SATB2: variants seen among roughly 807,000 people sequenced by gnomAD.
SATB2 encodes the protein SATB homeobox 2.
SATB2 carries 1 observed loss-of-function variant against 73.4 expected under a neutral mutation model. That is an observed-to-expected ratio of 0.01 (90% confidence interval 0.00 to 0.06). The LOEUF is 0.06. Ranked by LOEUF, SATB2 falls within the 10% of genes least tolerant of loss-of-function variation. The pLI is 1.00. For synonymous variants in SATB2, 397 were observed against 367.0 expected, an observed-to-expected ratio of 1.08 and a Z score of -0.93; for missense variants, 459 against 945.8, an observed-to-expected ratio of 0.49 and a Z score of 6.75.
intron 9 of SATB2, among the ~76,000 whole-genome samples, chr2:199,320,396 T>C (rs545119803): frequency 3.9e-5 from 6 of 152,128 alleles, no homozygotes; most frequent in Non-Finnish European, 8.8e-5. Context: ...GAAGGAAAAG[T>C]ACAAGGCGAA....
intron 6 of SATB2, among the ~76,000 whole-genome samples, chr2:199,367,619 T>C (rs1156494560): frequency 6.6e-6 from 1 of 152,146 alleles, no homozygotes; most frequent in Non-Finnish European, 1.5e-5. Flanking sequence ...CCATAAATTG[T>C]CATTTGCCCC....
At chr2:199,412,195 A>T (rs1170996206) in intron 3 of SATB2, among the ~76,000 whole-genome samples, 1 of 152,214 alleles carries the variant, frequency 6.6e-6, no homozygotes, top group African/African-American at 2.4e-5. Flanking sequence ...TTGTAAGGAC[A>T]CAGTGATGCA....
At chr2:199,333,045 G>A (rs534392369) in intron 7 of SATB2, among the ~76,000 whole-genome samples, 8 of 151,896 alleles carry the variant, frequency 5.3e-5, no homozygotes, top group Non-Finnish European at 1.2e-4. Flanking sequence ...TCAGACCATA[G>A]GTAACTCCCT....
At chr2:199,377,239 C>T (rs188352981) in intron 5 of SATB2, among the ~76,000 whole-genome samples, 1 of 151,966 alleles carries the variant, frequency 6.6e-6, no homozygotes, top group Non-Finnish European at 1.5e-5. Flanking sequence ...AATACCCAGG[C>T]GTGGTGGCAC....
chr2:199,364,084 A>AT (rs781186772), intron 6 of SATB2, among the ~76,000 whole-genome samples: 3 of 152,232 alleles, frequency 2.0e-5, no homozygotes. Context: ...GGGCTGCCTT[A>AT]TGGAACCAGG....
In SATB2 at chr2:199,308,216, T is replaced by G. The variant is rs1016635271; in HGVS notation, c.1740+544A>C. On this transcript the variant is annotated intron_variant, in intron 10 of 10. Transcript: ENST00000417098. The surrounding 1 kb of genome is among the most constrained non-coding windows in gnomAD (Gnocchi z 4.6). ...ATCCAAAGGAAGGCAGATTTCTAAA[T>G]GAGATGTAACCAAAGACAGCAAAAA... Among the ~76,000 whole-genome samples, 23 of 152,120 alleles carry G rather than the reference T, an allele frequency of 1.5e-4. No individual in the cohort carries two copies. The East Asian group carries it at 4.2e-3, about 28-fold the overall frequency.
At chr2:199,422,118 G>C (rs1480643995) in intron 3 of SATB2, among the ~76,000 whole-genome samples, 3 of 151,974 alleles carry the variant, frequency 2.0e-5, no homozygotes, top group Non-Finnish European at 4.4e-5. Context: ...ATAGACTATG[G>C]AAGTTATACA....
At position 199,448,686 on chromosome 2, in the gene SATB2, T is replaced by G. The variant is rs544890857; in HGVS notation, c.169+7183A>C. On this transcript the variant is annotated intron_variant, in intron 2 of 10. Transcript: ENST00000417098. ...AGTCAAATAAACAAAAGAAAGACACTGAGCTGCTGTGCACATTTCAGTAAC... is the reference window on the plus strand; with the variant it reads ...AGTCAAATAAACAAAAGAAAGACACGGAGCTGCTGTGCACATTTCAGTAAC... Among the ~76,000 whole-genome samples the G allele has an allele frequency of 5.8e-4, 89 of 152,264 alleles. 1 individual carries two copies. Among genetic ancestry groups the G allele is most frequent in the African/African-American group, 2.0e-3 (85 of 41,552 alleles).
At chr2:199,318,843 T>G in intron 9 of SATB2, among the ~76,000 whole-genome samples, 1 of 152,112 alleles carries the variant, frequency 6.6e-6, no homozygotes, top group South Asian at 2.1e-4. Flanking sequence ...CCTAGATGTT[T>G]TAAATTATTT....
intron 8 of SATB2, 31 bp downstream of exon 8, chr2:199,328,667 G>T: frequency 6.4e-7 from 1 of 1,558,966 alleles, no homozygotes; most frequent in Admixed American, 1.7e-5. Context: ...CCAAGACAAA[G>T]AGTGAAAAAT....
intron 10 of SATB2, among the ~76,000 whole-genome samples, chr2:199,303,878 C>G (rs1189186394): frequency 6.6e-6 from 1 of 152,188 alleles, no homozygotes; most frequent in African/African-American, 2.4e-5. Flanking sequence ...AAAACAAGTA[C>G]TTGTCAGGAA....
At chr2:199,442,955 A>G (rs1177644710) in intron 2 of SATB2, among the ~76,000 whole-genome samples, 1 of 96,674 alleles carries the variant, frequency 1.0e-5, no homozygotes, top group Non-Finnish European at 3.0e-5. Flanking sequence ...TGACTCTACC[A>G]TAATTTATGA....
intron 3 of SATB2, among the ~76,000 whole-genome samples, chr2:199,404,595 C>T (rs1408499244): frequency 6.6e-6 from 1 of 151,872 alleles, no homozygotes; most frequent in Non-Finnish European, 1.5e-5. Flanking sequence ...AAGTATGAAC[C>T]CTATGAGTAT....
chr2:199,458,820 G>A, upstream of SATB2: 1 of 337,824 alleles, frequency 3.0e-6, no homozygotes, highest in Non-Finnish European at 5.9e-6. Context: ...GTGCCTGCGA[G>A]CTCCCCCTCC....
At chr2:199,283,630 A>C (rs994241110) in intron 10 of SATB2, among the ~76,000 whole-genome samples, 1 of 150,150 alleles carries the variant, frequency 6.7e-6, no homozygotes, top group Admixed American at 6.6e-5. Context: ...AAATTTGCCA[A>C]TGGTACAAAA....
chr2:199,370,946 C>CAAAAAA (rs67348909), intron 5 of SATB2, among the ~76,000 whole-genome samples: 1 of 69,566 alleles, frequency 1.4e-5, no homozygotes, highest in African/African-American at 5.1e-5. Flanking sequence ...ATGAACTGAG[C>CAAAAAA]AAAAAAAAAA....
intron 7 of SATB2, among the ~76,000 whole-genome samples, chr2:199,345,553 C>A (rs1688626752): frequency 6.6e-6 from 1 of 152,124 alleles, no homozygotes; most frequent in Non-Finnish European, 1.5e-5. Flanking sequence ...CTTTCCATGT[C>A]TTCCTGGATT....
intron 3 of SATB2, among the ~76,000 whole-genome samples, chr2:199,387,911 A>G (rs183069049): frequency 8.5e-5 from 13 of 152,326 alleles, no homozygotes; most frequent in Admixed American, 3.9e-4. Context: ...TGCCAGAGTT[A>G]AAGAGCTGAC....
upstream of SATB2, among the ~76,000 whole-genome samples, chr2:199,461,517 A>T (rs999977859): frequency 6.6e-6 from 1 of 152,196 alleles, no homozygotes; most frequent in Non-Finnish European, 1.5e-5. Context: ...ATTACGTTTG[A>T]TTTTTAAAAA....
Sources: allele counts gnomAD v4.1 joint callset (sites outside exome capture counted in the v4.1 genomes callset), GRCh38; gene constraint gnomAD v4.1.1; non-coding constraint Gnocchi (gnomAD v3.1); transcripts MANE v1.5; gene names NCBI Gene and HGNC (gene_info 2026-07-23, HGNC 2026-07-21).